The following KPNA1 variants were observed in gnomAD, a reference collection of about 807,000 sequenced individuals.
The protein encoded by KPNA1 is karyopherin subunit alpha 1.
In KPNA1, 10 loss-of-function variants were observed where a neutral mutation model predicts 70.5. The ratio of observed to expected loss-of-function variants is 0.14; its 90% confidence interval spans 0.09 to 0.24. The LOEUF (loss-of-function observed/expected upper bound fraction) is 0.24. Among genes scored for constraint, KPNA1 ranks in the 10% least tolerant of loss-of-function variants. KPNA1 has a pLI of 1.00. For synonymous variants in KPNA1, 192 were observed against 221.9 expected, an observed-to-expected ratio of 0.87 and a Z score of 1.20; for missense variants, 397 against 637.9, an observed-to-expected ratio of 0.62 and a Z score of 4.07.
chr3:122,485,032 G>A (rs2076613437), intron 2 of KPNA1, among the ~76,000 whole-genome samples: 2 of 152,026 alleles, frequency 1.3e-5, no homozygotes, highest in Admixed American at 1.3e-4. Context: ...TGAGTATCTG[G>A]GACTATAGGT....
intron 11 of KPNA1, among the ~76,000 whole-genome samples, chr3:122,436,158 C>A (rs950766886): frequency 7.2e-5 from 11 of 152,126 alleles, no homozygotes; most frequent in Non-Finnish European, 1.5e-4. Context: ...TGAAATAAAC[C>A]CCGGTCTCCC....
Position 122,480,449 on chromosome 3 carries a change from AAATT to A in KPNA1, c.130-13024_130-13021del, listed in dbSNP as rs534555764. Among the ~76,000 whole-genome samples the A allele has an allele frequency of 1.4e-4, 21 of 152,228 alleles. No homozygotes were observed. The South Asian group carries it at 1.5e-3, about 11-fold the overall frequency. ...GGAACCAAAAACTGCTAAAAAAAAA[AAATT>A]AATTAAGGTCTTTATAAAAATAGTG... On this transcript the variant is annotated intron_variant, in intron 2 of 13. Transcript: ENST00000344337.
chr3:122,468,095 A>T (rs1201117539), intron 2 of KPNA1, among the ~76,000 whole-genome samples: 1 of 152,222 alleles, frequency 6.6e-6, no homozygotes, highest in Non-Finnish European at 1.5e-5. Context: ...CTGAACAACT[A>T]AAAACAGACA....
chr3:122,429,446 C>CAAAAAAAAAAAAAAAA (rs57991855), intron 12 of KPNA1, among the ~76,000 whole-genome samples: 1 of 58,782 alleles, frequency 1.7e-5, no homozygotes, highest in Non-Finnish European at 3.1e-5. Flanking sequence ...AACTCTGTCT[C>CAAAAAAAAAAAAAAAA]AAAAAAAAAA....
At chr3:122,478,177 G>GAAAAGA (rs769531757) in intron 2 of KPNA1, among the ~76,000 whole-genome samples, 1 of 138,190 alleles carries the variant, frequency 7.2e-6, no homozygotes, top group Non-Finnish European at 1.6e-5. Context: ...AAAAAAAAAA[G>GAAAAGA]AAAAGAAAAA....
In KPNA1 at chr3:122,434,721, C is replaced by G. The variant is rs2075962149; in HGVS notation, c.1123-933G>C. The stretch of plus-strand genomic sequence containing the variant: ...GGATGGAGTACTTTTACTCAATCCC[C>G]TTCATGTACTAACACTAAAGTAGCC... On this transcript the variant is annotated intron_variant, in intron 11 of 13. Coordinates refer to ENST00000344337, the MANE Select transcript of KPNA1 (RefSeq NM_002264.4). 2.6e-5 allele frequency among the ~76,000 whole-genome samples: 4 copies of G among 152,332 alleles called. No homozygotes were observed. The South Asian group carries it at 8.3e-4, about 32-fold the overall frequency.
chr3:122,454,165 G>A (rs1576303132), intron 5 of KPNA1, among the ~76,000 whole-genome samples, 164 bp from the exon 6 acceptor site: 1 of 152,222 alleles, frequency 6.6e-6, no homozygotes, highest in East Asian at 1.9e-4. Context: ...ATATCCAGAA[G>A]AAATACCTCA....
chr3:122,428,203 C>CT (rs2075848767), intron 12 of KPNA1, among the ~76,000 whole-genome samples: 1 of 152,050 alleles, frequency 6.6e-6, no homozygotes, highest in Non-Finnish European at 1.5e-5. Flanking sequence ...GGTATTTTTC[C>CT]TTTAATTCAA....
chr3:122,483,710 A>G (rs867264573), intron 2 of KPNA1, among the ~76,000 whole-genome samples: 1 of 152,188 alleles, frequency 6.6e-6, no homozygotes, highest in African/African-American at 2.4e-5. Flanking sequence ...AAACATTTTT[A>G]AAAGGAGGGA....
At chr3:122,448,094 A>G (rs1236494478) in intron 9 of KPNA1, among the ~76,000 whole-genome samples, 1 of 152,198 alleles carries the variant, frequency 6.6e-6, no homozygotes, top group African/African-American at 2.4e-5. Context: ...AAAAGTCAGG[A>G]AACAAGAGAT....
At chr3:122,477,935 G>A (rs549593561) in intron 2 of KPNA1, among the ~76,000 whole-genome samples, 13 of 151,712 alleles carry the variant, frequency 8.6e-5, no homozygotes, top group Admixed American at 3.9e-4. Context: ...TGGTCAAGGC[G>A]GGGGGATCAT....
At chr3:122,496,606 CT>C (rs779254539) in intron 1 of KPNA1, 36 bp from the exon 2 acceptor site, 1 of 1,592,278 alleles carries the variant, frequency 6.3e-7, no homozygotes, top group Non-Finnish European at 8.6e-7. Flanking sequence ...AATGAGTTTA[CT>C]GTGAAGAGCT....
chr3:122,514,287 TC>T (rs922919369), intron 1 of KPNA1, among the ~76,000 whole-genome samples: 20 of 151,898 alleles, frequency 1.3e-4, no homozygotes, highest in African/African-American at 4.8e-4. Flanking sequence ...CCCAAGACGG[TC>T]CCTTTTTGCC....
chr3:122,482,489 T>C (rs2076582926), intron 2 of KPNA1, among the ~76,000 whole-genome samples: 5 of 152,160 alleles, frequency 3.3e-5, no homozygotes. Context: ...CACTGCACCA[T>C]TAAGTTCTAG....
rs144118691 is a variant in KPNA1 at position 122,476,861 on chromosome 3, C to CAAAAAAAAA, written c.130-9441_130-9433dup. Among the ~76,000 whole-genome samples, 251 of 65,484 alleles carry CAAAAAAAAA rather than the reference C, an allele frequency of 3.8e-3. 12 individuals are homozygous for CAAAAAAAAA. The highest frequency in any genetic ancestry group is 8.4e-3 in the East Asian group (10 of 1,190). 43.0% of individuals were successfully genotyped at this position (65,484 alleles called of 152,430 possible). The stretch of plus-strand genomic sequence containing the variant: ...TATGAAAAACAGTATGGAGGTTCCA[C>CAAAAAAAAA]AAAAAAAAAAAAAAAAAAAAAAACT... On this transcript the variant is annotated intron_variant, in intron 2 of 13. Transcript: ENST00000344337.
At chr3:122,457,321 A>G (rs919606017) in intron 5 of KPNA1, among the ~76,000 whole-genome samples, 9 of 152,182 alleles carry the variant, frequency 5.9e-5, no homozygotes, top group African/African-American at 1.2e-4. Context: ...ACATATGCAT[A>G]AAGTTATGAT....
chr3:122,453,016 G>A (rs556400175), intron 6 of KPNA1, among the ~76,000 whole-genome samples: 8 of 152,068 alleles, frequency 5.3e-5, no homozygotes, highest in African/African-American at 1.7e-4. Context: ...GTGTGATATC[G>A]GCTCACTGCA....
intron 9 of KPNA1, among the ~76,000 whole-genome samples, chr3:122,448,543 T>C (rs1207199093): frequency 6.6e-6 from 1 of 151,892 alleles, no homozygotes; most frequent in South Asian, 2.1e-4. Flanking sequence ...AATTGAACAA[T>C]GAGAACACTT....
chr3:122,482,736 A>G (rs1299583741), intron 2 of KPNA1, among the ~76,000 whole-genome samples: 1 of 152,246 alleles, frequency 6.6e-6, no homozygotes. Context: ...AACAATTACA[A>G]CAGCATCAAT....
Sources: gnomAD v4.1 joint callset for allele counts (sites outside exome capture counted in the v4.1 genomes callset) on GRCh38, gnomAD v4.1.1 for gene constraint, MANE v1.5 for transcripts, NCBI Gene and HGNC (gene_info 2026-07-23, HGNC 2026-07-21) for gene names.